STAG1: variants seen among roughly 807,000 people sequenced by gnomAD.
The protein encoded by STAG1 is STAG1 cohesin complex component.
A neutral mutation model predicts 170.9 loss-of-function variants in STAG1; 26 were observed. The observed-to-expected ratio is 0.15, with a 90% CI of 0.11 to 0.21. The LOEUF (loss-of-function observed/expected upper bound fraction) is 0.21, where lower values mean the gene tolerates loss of function less well. Among genes scored for constraint, STAG1 ranks in the 10% least tolerant of loss-of-function variants. The pLI, the probability that STAG1 is intolerant of heterozygous loss-of-function variation, is 1.00. For missense variants in STAG1, 964 were observed against 1,509.5 expected (o/e 0.64, Z 5.99); for synonymous variants, 514 against 497.7 (o/e 1.03, Z -0.44).
intron 23 of STAG1, among the ~76,000 whole-genome samples, chr3:136,370,360 T>C (rs1367011154): frequency 6.6e-6 from 1 of 152,064 alleles, no homozygotes; most frequent in Admixed American, 6.5e-5. Flanking sequence ...TTTAATTTTA[T>C]TATTATATTA....
chr3:136,372,624 G>C (rs1252692454), intron 23 of STAG1, among the ~76,000 whole-genome samples: 1 of 151,204 alleles, frequency 6.6e-6, no homozygotes, highest in African/African-American at 2.4e-5. Context: ...TTTTGTCTTT[G>C]GTTCTGTTTA....
chr3:136,394,878 G>C (rs1362735498), intron 22 of STAG1, among the ~76,000 whole-genome samples: 4 of 151,238 alleles, frequency 2.6e-5, no homozygotes, highest in Non-Finnish European at 5.9e-5. Context: ...GCTTGAACCT[G>C]GGAGGCGGAG....
At chr3:136,413,776 A>C (rs1056484266) in intron 21 of STAG1, among the ~76,000 whole-genome samples, 6 of 152,110 alleles carry the variant, frequency 3.9e-5, no homozygotes, top group African/African-American at 1.4e-4. Context: ...ACATATTCTA[A>C]AACTACTATG....
At chr3:136,587,473 G>C (rs1046243827) in intron 4 of STAG1, among the ~76,000 whole-genome samples, 1 of 148,658 alleles carries the variant, frequency 6.7e-6, no homozygotes, top group Non-Finnish European at 1.5e-5. Flanking sequence ...CTGGAAGGTG[G>C]AGGTTGCAGG....
chr3:136,467,089 C>T (rs2089485060), intron 12 of STAG1, among the ~76,000 whole-genome samples: 1 of 152,188 alleles, frequency 6.6e-6, no homozygotes, highest in Admixed American at 6.6e-5. Context: ...AAAGAAACCG[C>T]ATCAACTAAT....
intron 1 of STAG1, among the ~76,000 whole-genome samples, chr3:136,711,229 A>C (rs1036837749): frequency 2.6e-5 from 4 of 152,132 alleles, no homozygotes; most frequent in African/African-American, 9.7e-5. Flanking sequence ...AAAGTCCAAA[A>C]GATTCTGTGG....
intron 1 of STAG1, among the ~76,000 whole-genome samples, chr3:136,678,894 A>AG (rs1942234439): frequency 6.6e-6 from 1 of 150,698 alleles, no homozygotes; most frequent in African/African-American, 2.4e-5. Flanking sequence ...AAAAAAAAAA[A>AG]CAATCAGGCA....
chr3:136,742,155 C>A lies in STAG1; in HGVS notation c.-84+10040G>T, dbSNP rs559716497. 4.8e-4 allele frequency among the ~76,000 whole-genome samples: 73 copies of A among 152,124 alleles called. 1 individual carries two copies. In the South Asian group the frequency reaches 0.014, roughly 28 times the overall value. ...ATAGAATGAGACAAAACAACAACAA[C>A]AAAAAACAACAACAAATACATAGAT... On this transcript the variant is annotated intron_variant, in intron 1 of 33. Transcript: ENST00000383202.
Position 136,337,966 on chromosome 3 carries a change from AATTT to A in STAG1, c.*284_*287del. ...CTTGACAGCTGTTTTAAAAATTTAA[AATTT>A]CTTCCTCCCTCCAGAAAAACACACA... On this transcript the variant is annotated 3_prime_UTR_variant, in exon 34 of 34. Transcript: ENST00000383202. The A allele has an allele frequency of 9.6e-6, 3 of 313,896 alleles. No homozygotes were observed. Among genetic ancestry groups the A allele is most frequent in the Non-Finnish European group, 1.7e-5 (3 of 171,890 alleles). The allele number at this position is 313,896 out of a possible 1,614,324, so 19.4% of individuals were successfully genotyped here. A position where few individuals can be genotyped will look rare whatever the true frequency, so the allele number is the denominator to read the frequency against.
intron 1 of STAG1, among the ~76,000 whole-genome samples, chr3:136,743,187 T>C (rs1934762831): frequency 6.6e-6 from 1 of 151,990 alleles, no homozygotes; most frequent in South Asian, 2.1e-4. Flanking sequence ...GCCAACATAG[T>C]GAAACCCTGT....
chr3:136,744,853 T>C (rs934049155), intron 1 of STAG1, among the ~76,000 whole-genome samples: 2 of 152,060 alleles, frequency 1.3e-5, no homozygotes, highest in Non-Finnish European at 2.9e-5. Flanking sequence ...TTTTTGTATT[T>C]TTAGTAGAGA....
chr3:136,706,952 A>T (rs1192491710), intron 1 of STAG1, among the ~76,000 whole-genome samples: 1 of 152,236 alleles, frequency 6.6e-6, no homozygotes, highest in Non-Finnish European at 1.5e-5. Context: ...TTCAACGGGG[A>T]AGAAATAGTC....
intron 9 of STAG1, among the ~76,000 whole-genome samples, chr3:136,494,166 G>A (rs1932941987): frequency 6.6e-6 from 1 of 152,148 alleles, no homozygotes; most frequent in South Asian, 2.1e-4. Flanking sequence ...TAGCTACTTG[G>A]GAGCTGAGGC....
At chr3:136,370,345 CTTTT>C (rs769189953) in intron 23 of STAG1, among the ~76,000 whole-genome samples, 1 of 151,702 alleles carries the variant, frequency 6.6e-6, no homozygotes, top group African/African-American at 2.4e-5. Context: ...GTATGTGTTT[CTTTT>C]TTTAATTTTA....
intron 9 of STAG1, among the ~76,000 whole-genome samples, chr3:136,498,972 C>T (rs1237279090): frequency 6.6e-6 from 1 of 152,170 alleles, no homozygotes; most frequent in Non-Finnish European, 1.5e-5. Context: ...GATTGCTTCT[C>T]GGACTGCTCA....
intron 1 of STAG1, among the ~76,000 whole-genome samples, chr3:136,683,242 G>A (rs1366799506): frequency 6.7e-6 from 1 of 149,114 alleles, no homozygotes; most frequent in Non-Finnish European, 1.5e-5. Flanking sequence ...AACTAAGATA[G>A]TAAATTTTAT....
chr3:136,675,137 G>A (rs1942093707), intron 1 of STAG1, among the ~76,000 whole-genome samples: 1 of 152,202 alleles, frequency 6.6e-6, no homozygotes, highest in African/African-American at 2.4e-5. Context: ...AGACAGGAAA[G>A]CTCACTGTGG....
intron 21 of STAG1, among the ~76,000 whole-genome samples, chr3:136,407,621 C>A (rs537489234): frequency 6.6e-6 from 1 of 151,798 alleles, no homozygotes; most frequent in South Asian, 2.1e-4. Flanking sequence ...GCCACCATGC[C>A]GAGCTAATTT....
chr3:136,363,201 A>T lies in STAG1; in HGVS notation c.2787+165T>A, dbSNP rs866267339. Among the ~76,000 whole-genome samples, 30 of 152,320 alleles carry T rather than the reference A, an allele frequency of 2.0e-4. No homozygotes were observed. The Middle Eastern group carries it at 0.01, about 52-fold the overall frequency. On this transcript the variant is annotated intron_variant, in intron 26 of 33. Coordinates refer to ENST00000383202, the MANE Select transcript of STAG1 (RefSeq NM_005862.3). ...AGGATTTTCTTCCAAAAGAAAAGACACCTAACCTATGTCTTTGTACCAGAA... is the reference window on the plus strand; with the variant it reads ...AGGATTTTCTTCCAAAAGAAAAGACTCCTAACCTATGTCTTTGTACCAGAA...
Sources: gnomAD v4.1 joint callset for allele counts (sites outside exome capture counted in the v4.1 genomes callset) on GRCh38, gnomAD v4.1.1 for gene constraint, MANE v1.5 for transcripts, NCBI Gene and HGNC (gene_info 2026-07-23, HGNC 2026-07-21) for gene names.